MYH7B: variants seen among roughly 807,000 people sequenced by gnomAD.
The protein encoded by MYH7B is myosin heavy chain 7B.
MYH7B carries 205 observed loss-of-function variants against 234.5 expected under a neutral mutation model. The observed-to-expected ratio is 0.87, with a 90% CI of 0.78 to 0.98. The LOEUF is 0.98. Ranked by LOEUF, MYH7B falls within the 50% of genes least tolerant of loss-of-function variation. MYH7B has a pLI of 0.00. For missense variants in MYH7B, 2,652 were observed against 2,633.4 expected, an observed-to-expected ratio of 1.01 and a Z score of -0.15; for synonymous variants, 1,193 against 1,105.0, an observed-to-expected ratio of 1.08 and a Z score of -1.58.
Position 34,988,447 on chromosome 20 carries a change from C to G in MYH7B, c.1587+185C>G, listed in dbSNP as rs186538943. On this transcript the variant is annotated intron_variant, in intron 19 of 44. Coordinates refer to ENST00000262873, the Ensembl canonical transcript of MYH7B. ...TTATGTGCTTGTGTGTGAAAGGGCA[C>G]GTGTGTGAGTGGGTGTGTTGGAGTT... 1.9e-4 allele frequency among the ~76,000 whole-genome samples: 29 copies of G among 152,166 alleles called. No homozygotes were observed. The highest frequency in any genetic ancestry group is 7.8e-4 in the Admixed American group (12 of 15,292).
chr20:34,982,496 C>T (rs375524909), exon 10 of MYH7B: 18 of 1,613,488 alleles, frequency 1.1e-5, no homozygotes, highest in Middle Eastern at 1.6e-4. Context: ...TAACACCAAG[C>T]GGGTCATTCA....
chr20:34,980,024 T>A, intron 7 of MYH7B: 1 of 577,974 alleles, frequency 1.7e-6, no homozygotes, highest in Non-Finnish European at 3.0e-6. Flanking sequence ...CTTGGGACCT[T>A]AGGGGAGCAG....
chr20:34,988,443 G>A (rs548473954), intron 19 of MYH7B, among the ~76,000 whole-genome samples, 181 bp downstream of exon 19: 3 of 152,212 alleles, frequency 2.0e-5, no homozygotes, highest in Middle Eastern at 3.4e-3. Context: ...TGTGTGAAAG[G>A]GCACGTGTGT....
Position 34,984,672 on chromosome 20 carries a change from T to TA in MYH7B, c.625-20_625-19insA. On this transcript the variant is annotated intron_variant, in intron 10 of 44. Transcript: ENST00000262873. ...CACCGGAGGCCTGGCCCTCTAATGTTGTCTGTCTTCTTCCCCCAGCAATTT... is the reference window on the plus strand; with the variant it reads ...CACCGGAGGCCTGGCCCTCTAATGTTAGTCTGTCTTCTTCCCCCAGCAATTT... 1 of 1,601,682 alleles carries TA rather than the reference T, an allele frequency of 6.2e-7. No individual in the cohort carries two copies. Among genetic ancestry groups the TA allele is most frequent in the Non-Finnish European group, 8.5e-7 (1 of 1,176,684 alleles).
exon 5 of MYH7B, chr20:34,978,086 C>T (rs1460847219): frequency 1.9e-6 from 3 of 1,613,908 alleles, no homozygotes; most frequent in Non-Finnish European, 2.5e-6. Context: ...TGCACACTAT[C>T]CCATGGGACG....
At position 34,982,515 on chromosome 20, in the gene MYH7B, C is replaced by T. The variant is rs1372056901; in HGVS notation, c.584C>T (p.Ala195Val). ...ACCAAGCGGGTCATTCAGTACTTTG[C>T]CATCGTCGCTGCCCTGGGAGACGGG... The change falls in exon 10 of 45, where the codon GCC becomes GTC. Residue 195 changes from alanine to valine, a missense_variant. Physicochemically the swap from Ala to Val is moderately conservative, Grantham distance 64. Transcript: ENST00000262873. 4.3e-6 allele frequency: 7 copies of T among 1,612,376 alleles called. No homozygotes were observed. Among genetic ancestry groups the T allele is most frequent in the African/African-American group, 1.3e-5 (1 of 74,900 alleles).
rs535913318 is a variant in MYH7B, at chr20:34,980,682, C to A, written c.447C>A (p.Ser149=). The change falls in exon 8 of 45, where the codon TCC becomes TCA. Residue 149 remains serine (S), a synonymous_variant. Coordinates refer to ENST00000262873, the Ensembl canonical transcript of MYH7B. Reference sequence around the variant, plus strand: ...ACAAGGGAAAGCGCCGCTCAGATTCCCCGCCCCATATATATGCGGTGGCGG... The same window carrying A: ...ACAAGGGAAAGCGCCGCTCAGATTCACCGCCCCATATATATGCGGTGGCGG... The A allele has an allele frequency of 2.5e-6, 4 of 1,614,228 alleles. No individual in the cohort carries two copies. The South Asian group carries it at 3.3e-5, about 13-fold the overall frequency.
intron 2 of MYH7B, among the ~76,000 whole-genome samples, chr20:34,960,645 C>T (rs1365162093): frequency 6.6e-6 from 1 of 152,248 alleles, no homozygotes; most frequent in South Asian, 2.1e-4. Context: ...TGATATCACC[C>T]TGCCTCATAC....
intron 22 of MYH7B, 107 bp downstream of exon 22, chr20:34,990,417 G>C: frequency 8.4e-7 from 1 of 1,196,806 alleles, no homozygotes; most frequent in Non-Finnish European, 1.3e-6. Context: ...GTTAAGACTT[G>C]CAGTGATGTT....
At chr20:34,993,595 A>G (rs1331391561) in intron 26 of MYH7B, 125 bp downstream of exon 26, 4 of 1,148,122 alleles carry the variant, frequency 3.5e-6, no homozygotes, top group East Asian at 2.6e-5. Flanking sequence ...TGGTTGGGGC[A>G]AGGTTCTGTT....
At position 34,996,706 on chromosome 20, in the gene MYH7B, T is replaced by C. The variant is rs745933952; in HGVS notation, c.3214T>C (p.Ser1072Pro). The C allele has an allele frequency of 2.5e-6, 4 of 1,612,828 alleles. No individual in the cohort carries two copies. The South Asian group carries it at 4.4e-5, about 18-fold the overall frequency. ...GGGTGACCTGAAGCTGACGCAGGAG[T>C]CGGTGGCTGATGCTGCTCAAGACAA... The change falls in exon 30 of 45, where the codon TCG becomes CCG. Residue 1072 changes from serine (S) to proline (P), a missense_variant. Coordinates refer to ENST00000262873, the Ensembl canonical transcript of MYH7B.
intron 26 of MYH7B, 142 bp from the exon 27 acceptor site, chr20:34,994,004 C>G: frequency 8.7e-7 from 1 of 1,143,530 alleles, no homozygotes; most frequent in Non-Finnish European, 1.3e-6. Flanking sequence ...TGGGCCTCCC[C>G]TCACCCTCAC....
At chr20:34,987,531 C>T in intron 16 of MYH7B, 26 bp from the exon 17 acceptor site, 2 of 1,499,676 alleles carry the variant, frequency 1.3e-6, no homozygotes, top group Non-Finnish European at 1.8e-6. Context: ...GTGTCCTCCT[C>T]CCTTACCCCA....
chr20:34,976,610 A>T (rs969419269), intron 3 of MYH7B, among the ~76,000 whole-genome samples: 1 of 152,132 alleles, frequency 6.6e-6, no homozygotes, highest in Non-Finnish European at 1.5e-5. Flanking sequence ...TGAATCTTCA[A>T]TGTGGGGATC....
chr20:34,968,170 C>T (rs994894374), intron 2 of MYH7B, among the ~76,000 whole-genome samples: 2 of 152,306 alleles, frequency 1.3e-5, no homozygotes, highest in Non-Finnish European at 2.9e-5. Context: ...ACGTAACTTG[C>T]CCAGGGTCAC....
At chr20:34,956,928 G>A (rs2081642758) in intron 1 of MYH7B, among the ~76,000 whole-genome samples, 1 of 152,198 alleles carries the variant, frequency 6.6e-6, no homozygotes, top group Non-Finnish European at 1.5e-5. Flanking sequence ...GTTGGCCCGT[G>A]CCTGTAATCC....
At chr20:34,999,478 TG>T (rs2082327235) in intron 36 of MYH7B, 73 bp downstream of exon 36, 2 of 1,525,584 alleles carry the variant, frequency 1.3e-6, no homozygotes, top group Non-Finnish European at 1.8e-6. Context: ...GGGGGTGCCC[TG>T]GTGGGGCCAC....
At chr20:34,995,575 C>G in exon 28 of MYH7B, 1 of 1,613,976 alleles carries the variant, frequency 6.2e-7, no homozygotes, top group Non-Finnish European at 8.5e-7. Context: ...CCACTGAGAA[C>G]AAGGTGTGGG....
chr20:34,977,800 T>C (rs1195616938), intron 4 of MYH7B, 120 bp downstream of exon 4: 2 of 1,506,454 alleles, frequency 1.3e-6, no homozygotes, highest in African/African-American at 2.8e-5. Flanking sequence ...CCCTGGTGTT[T>C]GAGGGTGTGC....
Sources: gnomAD v4.1 joint callset for allele counts (sites outside exome capture counted in the v4.1 genomes callset) on GRCh38, gnomAD v4.1.1 for gene constraint, MANE v1.5 for transcripts, NCBI Gene and HGNC (gene_info 2026-07-23, HGNC 2026-07-21) for gene names.